DNAH3: variants seen among roughly 807,000 people sequenced by gnomAD.
DNAH3 encodes the protein axonemal beta dynein heavy chain 3.
Under a neutral mutation model 432.5 loss-of-function variants are expected in DNAH3, and 332 were observed. The ratio of observed to expected loss-of-function variants is 0.77; its 90% CI spans 0.70 to 0.84. The LOEUF is 0.84. Among genes scored for constraint, DNAH3 ranks in the 40% least tolerant of loss-of-function variants. The pLI, the probability that DNAH3 is intolerant of heterozygous loss-of-function variation, is 0.00. For synonymous variants in DNAH3, 1,956 were observed against 1,900.2 expected (o/e 1.03, Z -0.76); for missense variants, 4,861 against 5,114.0 (o/e 0.95, Z 1.51).
At chr16:21,127,909 GA>G in intron 7 of DNAH3, 97 bp from the exon 9 acceptor site, 1 of 1,422,596 alleles carries the variant, frequency 7.0e-7, no homozygotes. Flanking sequence ...GTTTCTCAAT[GA>G]AAGTTAAGCA....
chr16:20,946,724 C>T (rs866865458), intron 57 of DNAH3, among the ~76,000 whole-genome samples: 9 of 151,678 alleles, frequency 5.9e-5, no homozygotes, highest in Non-Finnish European at 1.3e-4. Flanking sequence ...AGGGGCAGGC[C>T]GCAGGAAACA....
At chr16:21,020,372 TC>T (rs1218357168) in intron 40 of DNAH3, among the ~76,000 whole-genome samples, 77 of 50,134 alleles carry the variant, frequency 1.5e-3, no homozygotes, top group Non-Finnish European at 2.2e-3. Flanking sequence ...ATATATAAAA[TC>T]ACTATATATA....
At chr16:21,075,899 G>C (rs1478998324) in intron 20 of DNAH3, among the ~76,000 whole-genome samples, 1 of 78,274 alleles carries the variant, frequency 1.3e-5, no homozygotes, top group East Asian at 4.2e-4. Context: ...CTGGAAAACA[G>C]AGTAAACCCT....
chr16:21,062,165 A>T (rs1033121129), intron 25 of DNAH3, among the ~76,000 whole-genome samples: 1 of 152,188 alleles, frequency 6.6e-6, no homozygotes, highest in Non-Finnish European at 1.5e-5. Flanking sequence ...ATCACTTTCA[A>T]CTGAACTCTG....
exon 41 of DNAH3, chr16:21,019,724 T>C (rs142457517): frequency 3.2e-5 from 52 of 1,614,066 alleles, no homozygotes; most frequent in Non-Finnish European, 3.6e-5. Flanking sequence ...ACACATCAAA[T>C]TTCTTTCTGC....
intron 39 of DNAH3, among the ~76,000 whole-genome samples, chr16:21,023,494 G>A (rs1358433549): frequency 6.6e-6 from 1 of 152,152 alleles, no homozygotes; most frequent in African/African-American, 2.4e-5. Context: ...GTTGAGAACT[G>A]CATGATGAGG....
At chr16:20,939,072 G>A (rs1489949070) in intron 59 of DNAH3, among the ~76,000 whole-genome samples, 1 of 152,052 alleles carries the variant, frequency 6.6e-6, no homozygotes, top group Non-Finnish European at 1.5e-5. Flanking sequence ...CTGGCTTGCT[G>A]TCCTTTATAG....
intron 3 of DNAH3, 78 bp from the exon 5 acceptor site, chr16:21,141,450 C>T (rs2092717957): frequency 7.4e-6 from 8 of 1,078,644 alleles, no homozygotes; most frequent in Non-Finnish European, 9.7e-6. Flanking sequence ...GCATGACTCT[C>T]GGAACAGTCC....
chr16:20,981,211 T>C (rs572232161), intron 49 of DNAH3, among the ~76,000 whole-genome samples: 1 of 152,308 alleles, frequency 6.6e-6, no homozygotes, highest in African/African-American at 2.4e-5. Flanking sequence ...ACTGCCTACA[T>C]TCATAACTGG....
In DNAH3 at chr16:21,093,369, C is replaced by T. The variant is rs139255012; in HGVS notation, c.2665+3986G>A. Among the ~76,000 whole-genome samples the T allele has an allele frequency of 7.4e-4, 112 of 152,218 alleles. 1 individual carries two copies. The highest frequency in any genetic ancestry group is 2.6e-3 in the African/African-American group (106 of 41,550). On this transcript the variant is annotated intron_variant, in intron 18 of 61. Coordinates refer to ENST00000261383, the Ensembl canonical transcript of DNAH3. The stretch of plus-strand genomic sequence containing the variant: ...ATATTTATGTATAAATTTAACAAAA[C>T]ATGCATAGGAGCTGTATGCTGAAAC...
At chr16:20,944,017 A>G (rs2083930646) in intron 58 of DNAH3, among the ~76,000 whole-genome samples, 1 of 151,972 alleles carries the variant, frequency 6.6e-6, no homozygotes, top group Non-Finnish European at 1.5e-5. Context: ...AAAAACAGCA[A>G]CAACAACAAA....
intron 1 of DNAH3, among the ~76,000 whole-genome samples, chr16:21,148,194 C>A (rs2092809345): frequency 6.6e-6 from 1 of 152,048 alleles, no homozygotes; most frequent in Admixed American, 6.6e-5. Context: ...TCAAATTAAC[C>A]ATCATTATCT....
intron 50 of DNAH3, among the ~76,000 whole-genome samples, chr16:20,977,713 C>G (rs1212938707): frequency 2.6e-5 from 4 of 152,218 alleles, no homozygotes; most frequent in Admixed American, 2.6e-4. Flanking sequence ...GTCCTGGCTT[C>G]TTTGTGTATC....
chr16:21,096,143 T>G (rs1367400976), intron 18 of DNAH3, among the ~76,000 whole-genome samples: 1 of 151,812 alleles, frequency 6.6e-6, no homozygotes, highest in Non-Finnish European at 1.5e-5. Flanking sequence ...GATTTTTTTT[T>G]TTTTTTTTGA....
intron 55 of DNAH3, among the ~76,000 whole-genome samples, chr16:20,953,229 G>T (rs2084396346): frequency 6.6e-6 from 1 of 151,808 alleles, no homozygotes; most frequent in African/African-American, 2.4e-5. Flanking sequence ...CGTGATCTCG[G>T]CTGACTGCAA....
At chr16:21,001,565 T>C (rs912366191) in intron 42 of DNAH3, among the ~76,000 whole-genome samples, 1 of 152,162 alleles carries the variant, frequency 6.6e-6, no homozygotes, top group Non-Finnish European at 1.5e-5. Context: ...ACAAGCAATT[T>C]GATCAAAGGA....
In DNAH3 at chr16:21,116,426, T is replaced by C. The variant is rs578060027; in HGVS notation, c.1814+777A>G. ...ATAAGAGGCTTTTCCCTCCCCCTTT[T>C]GCTCAGCACTTCCTCTTCCTGCTGC... On this transcript the variant is annotated intron_variant, in intron 12 of 61. Transcript: ENST00000261383. Among the ~76,000 whole-genome samples, 19 of 152,222 alleles carry C rather than the reference T, an allele frequency of 1.2e-4. No individual in the cohort carries two copies. The South Asian group carries it at 3.3e-3, about 27-fold the overall frequency.
chr16:21,077,626 A>G (rs760833484), intron 20 of DNAH3, among the ~76,000 whole-genome samples: 55 of 152,100 alleles, frequency 3.6e-4, no homozygotes, highest in Non-Finnish European at 6.8e-4. Flanking sequence ...ATAGAGGGAG[A>G]GAGAGAAGAG....
intron 52 of DNAH3, among the ~76,000 whole-genome samples, chr16:20,968,883 C>G (rs2085184958): frequency 6.6e-6 from 1 of 151,492 alleles, no homozygotes; most frequent in African/African-American, 2.4e-5. Context: ...CCCACTCTGT[C>G]TCTCTGTTTC....
Sources: gnomAD v4.1 joint callset for allele counts (sites outside exome capture counted in the v4.1 genomes callset) on GRCh38, gnomAD v4.1.1 for gene constraint, MANE v1.5 for transcripts, NCBI Gene and HGNC (gene_info 2026-07-23, HGNC 2026-07-21) for gene names.